Variants in RASAL2 observed in about 807,000 individuals in gnomAD.
The protein encoded by RASAL2 is RAS protein activator like 2, also known as ras GTPase-activating protein nGAP.
RASAL2 carries 58 observed loss-of-function variants against 128.9 expected under a neutral mutation model. That is an observed-to-expected ratio of 0.45 (90% CI 0.36 to 0.56). RASAL2 has a LOEUF of 0.56. Among genes scored for constraint, RASAL2 ranks in the 20% least tolerant of loss-of-function variants. RASAL2 has a pLI of 0.00. For synonymous variants in RASAL2, 561 were observed against 580.8 expected (o/e 0.97, Z 0.49); for missense variants, 1,360 against 1,601.6 (o/e 0.85, Z 2.57).
At chr1:178,101,591 C>T (rs1274673090) in intron 1 of RASAL2, among the ~76,000 whole-genome samples, 1 of 152,106 alleles carries the variant, frequency 6.6e-6, no homozygotes, top group Non-Finnish European at 1.5e-5. Context: ...GATAAGATAA[C>T]AAAATTCGGA....
chr1:178,217,897 A>G (rs1488174860), intron 1 of RASAL2, among the ~76,000 whole-genome samples: 1 of 151,764 alleles, frequency 6.6e-6, no homozygotes, highest in African/African-American at 2.4e-5. Flanking sequence ...GTTTGATAGC[A>G]TTGTACCCAC....
At chr1:178,156,578 A>C (rs1157613169) in intron 1 of RASAL2, among the ~76,000 whole-genome samples, 1 of 152,174 alleles carries the variant, frequency 6.6e-6, no homozygotes, top group African/African-American at 2.4e-5. Flanking sequence ...AAAGAAATAC[A>C]CGTGAAAGTG....
intron 1 of RASAL2, among the ~76,000 whole-genome samples, chr1:178,227,189 C>T (rs1363189388): frequency 6.6e-6 from 1 of 151,644 alleles, no homozygotes; most frequent in Non-Finnish European, 1.5e-5. Flanking sequence ...AAGCAAACTT[C>T]CAGTTTAAAA....
In RASAL2 at chr1:178,439,548, C is replaced by T. The variant is rs1179662944; in HGVS notation, c.801C>T (p.Ser267=). 2 of 1,611,826 alleles carry T rather than the reference C, an allele frequency of 1.2e-6. No individual in the cohort carries two copies. Among genetic ancestry groups the T allele is most frequent in the East Asian group, 4.5e-5 (2 of 44,824 alleles). The change falls in exon 6 of 18, where the codon AGC becomes AGT. Residue 267 remains serine (S), a synonymous_variant. Transcript: ENST00000367649. ...EPVSVKPLHS[S]ILGQDFCFEV... The stretch of plus-strand genomic sequence containing the variant: ...TATCAGTGAAACCACTTCATAGTAG[C>T]ATCCTTGGACAAGACTTCTGCTTTG...
Position 178,142,680 on chromosome 1 carries a change from G to A in RASAL2, c.202+47986G>A, listed in dbSNP as rs890306513. Among the ~76,000 whole-genome samples the A allele has an allele frequency of 4.6e-5, 7 of 152,280 alleles. No individual in the cohort carries two copies. In the South Asian group the frequency reaches 1.2e-3, roughly 27 times the overall value. On this transcript the variant is annotated intron_variant, in intron 1 of 17. Coordinates refer to ENST00000367649, the MANE Select transcript of RASAL2 (RefSeq NM_170692.4). ...GAGGATTTTGGCCTCTAGGCGCAGTGTAAGTGATACTGTATGCCTAATGCC... is the reference window on the plus strand; with the variant it reads ...GAGGATTTTGGCCTCTAGGCGCAGTATAAGTGATACTGTATGCCTAATGCC...
At chr1:178,096,127 A>G (rs1658672650) in intron 1 of RASAL2, among the ~76,000 whole-genome samples, 1 of 152,206 alleles carries the variant, frequency 6.6e-6, no homozygotes, top group South Asian at 2.1e-4. Flanking sequence ...GCTAAATCCC[A>G]CTTAGCTGGT....
chr1:178,319,262 A>G (rs2102327983), intron 3 of RASAL2, among the ~76,000 whole-genome samples: 1 of 151,874 alleles, frequency 6.6e-6, no homozygotes, highest in African/African-American at 2.4e-5. Context: ...GAATCTGACA[A>G]TTATGTGTCT....
At position 178,363,228 on chromosome 1, in the gene RASAL2, A is replaced by C. The variant is rs189588265; in HGVS notation, c.458-26872A>C. Among the ~76,000 whole-genome samples the C allele has an allele frequency of 1.6e-3, 238 of 152,002 alleles. 2 individuals are homozygous for C. In the Middle Eastern group the frequency reaches 0.024, roughly 15 times the overall value. On this transcript the variant is annotated intron_variant, in intron 3 of 17. Coordinates refer to ENST00000367649, the MANE Select transcript of RASAL2 (RefSeq NM_170692.4). ...CCTAAAAGGGGTGAGGTGATATCTT[A>C]TTGTGGTTTTGATTTTCATTTTCCT...
At chr1:178,358,511 A>G (rs2102468666) in intron 3 of RASAL2, among the ~76,000 whole-genome samples, 2 of 152,284 alleles carry the variant, frequency 1.3e-5, no homozygotes, top group Non-Finnish European at 2.9e-5. Context: ...TGGGCAAGAG[A>G]TATAAAGAAG....
intron 2 of RASAL2, among the ~76,000 whole-genome samples, chr1:178,297,819 T>G (rs1557885011): frequency 6.6e-6 from 1 of 152,032 alleles, no homozygotes; most frequent in East Asian, 1.9e-4. Flanking sequence ...TAGGCCCAAA[T>G]AAAAAATATT....
At chr1:178,303,650 G>A (rs556041392) in intron 3 of RASAL2, among the ~76,000 whole-genome samples, 2 of 151,990 alleles carry the variant, frequency 1.3e-5, no homozygotes, top group South Asian at 2.1e-4. Context: ...ACTATATTAA[G>A]ATTAAGAATT....
chr1:178,402,559 C>A (rs1673710520), intron 4 of RASAL2, among the ~76,000 whole-genome samples: 4 of 152,122 alleles, frequency 2.6e-5, no homozygotes. Context: ...CTAATACAAT[C>A]TTTTCAGTAA....
At chr1:178,433,693 A>G (rs1222321546) in intron 5 of RASAL2, among the ~76,000 whole-genome samples, 1 of 151,998 alleles carries the variant, frequency 6.6e-6, no homozygotes, top group Non-Finnish European at 1.5e-5. Flanking sequence ...CGGGCGGATC[A>G]CCTGAGGTCA....
At chr1:178,397,272 C>G (rs988893335) in intron 4 of RASAL2, among the ~76,000 whole-genome samples, 11 of 152,144 alleles carry the variant, frequency 7.2e-5, no homozygotes, top group Non-Finnish European at 1.3e-4. Context: ...TTTATCCATA[C>G]AATGGCTTAT....
At chr1:178,431,858 TTAAA>T (rs979891572) in intron 5 of RASAL2, among the ~76,000 whole-genome samples, 51 of 149,220 alleles carry the variant, frequency 3.4e-4, no homozygotes, top group African/African-American at 1.1e-3. Context: ...ATGTTTGTAT[TTAAA>T]TAAATTATGT....
chr1:178,194,271 T>G (rs532127252), intron 1 of RASAL2: 1 of 211,436 alleles, frequency 4.7e-6, no homozygotes, highest in African/African-American at 2.3e-5. Context: ...ATAAGTCATT[T>G]CTTACAAAAA....
intron 1 of RASAL2, among the ~76,000 whole-genome samples, chr1:178,245,686 T>C (rs1664737699): frequency 6.6e-6 from 1 of 152,150 alleles, no homozygotes; most frequent in South Asian, 2.1e-4. Flanking sequence ...TCTTCTAGGG[T>C]TTTTACGGTT....
intron 1 of RASAL2, among the ~76,000 whole-genome samples, chr1:178,134,457 C>CAAA (rs59410623): frequency 1.8e-5 from 2 of 111,546 alleles, no homozygotes; most frequent in African/African-American, 6.4e-5. Flanking sequence ...GACCCTATCT[C>CAAA]AAAAAAAAAA....
chr1:178,377,832 C>T (rs747608871), intron 3 of RASAL2, among the ~76,000 whole-genome samples: 3 of 151,558 alleles, frequency 2.0e-5, no homozygotes, highest in African/African-American at 4.8e-5. Flanking sequence ...TTGAATTATT[C>T]GAGAAAAGGA....
Sources: allele counts gnomAD v4.1 joint callset (sites outside exome capture counted in the v4.1 genomes callset), GRCh38; gene constraint gnomAD v4.1.1; transcripts MANE v1.5; gene names NCBI Gene and HGNC (gene_info 2026-07-23, HGNC 2026-07-21).